Variants in COL24A1 observed in about 807,000 individuals in gnomAD.
COL24A1 encodes the protein collagen alpha-1(XXIV) chain.
A neutral mutation model predicts 253.9 loss-of-function variants in COL24A1; 224 were observed. The observed-to-expected ratio is 0.88, with a 90% confidence interval of 0.79 to 0.99. COL24A1 has a LOEUF of 0.99. COL24A1 is among the 50% of genes least tolerant of loss of function. The pLI, the probability that COL24A1 is intolerant of heterozygous loss-of-function variation, is 0.00. For synonymous variants in COL24A1, 685 were observed against 673.7 expected (o/e 1.02, Z -0.26); for missense variants, 2,131 against 2,068.5 (o/e 1.03, Z -0.59).
intron 3 of COL24A1, among the ~76,000 whole-genome samples, chr1:86,118,089 G>T (rs1706325974): frequency 6.7e-6 from 1 of 148,776 alleles, no homozygotes; most frequent in Non-Finnish European, 1.5e-5. Flanking sequence ...TCGAGATGGA[G>T]TCTCACTCTG....
chr1:85,746,145 T>C (rs183943532), intron 55 of COL24A1, among the ~76,000 whole-genome samples: 24 of 152,156 alleles, frequency 1.6e-4, no homozygotes, highest in Admixed American at 1.4e-3. Flanking sequence ...CTTAGAACAA[T>C]GAAGCATGAG....
chr1:85,844,845 G>A (rs948342122), intron 39 of COL24A1, among the ~76,000 whole-genome samples: 1 of 151,868 alleles, frequency 6.6e-6, no homozygotes, highest in Non-Finnish European at 1.5e-5. Context: ...GGCTCAGATT[G>A]TTTTAATAGC....
chr1:86,041,570 T>C (rs1490297831), intron 12 of COL24A1, among the ~76,000 whole-genome samples: 1 of 152,142 alleles, frequency 6.6e-6, no homozygotes, highest in Non-Finnish European at 1.5e-5. Flanking sequence ...TTGGAAACTT[T>C]GCACTAAAAA....
At chr1:85,791,729 GA>G (rs1670294806) in intron 47 of COL24A1, among the ~76,000 whole-genome samples, 1 of 152,022 alleles carries the variant, frequency 6.6e-6, no homozygotes, top group Non-Finnish European at 1.5e-5. Context: ...CTATCTGTGT[GA>G]AAAAAATTTT....
intron 19 of COL24A1, among the ~76,000 whole-genome samples, chr1:86,014,948 T>C (rs1020632432): frequency 6.6e-6 from 1 of 152,188 alleles, no homozygotes; most frequent in African/African-American, 2.4e-5. Context: ...CTTGCTTAAA[T>C]ATCTTTGGTT....
chr1:85,864,474 TG>T (rs1341136192), intron 37 of COL24A1, among the ~76,000 whole-genome samples: 1 of 152,040 alleles, frequency 6.6e-6, no homozygotes, highest in Non-Finnish European at 1.5e-5. Flanking sequence ...CACACCAACA[TG>T]GCACATGTAT....
At chr1:86,074,432 T>C (rs896002546) in intron 7 of COL24A1, among the ~76,000 whole-genome samples, 1 of 152,118 alleles carries the variant, frequency 6.6e-6, no homozygotes, top group Non-Finnish European at 1.5e-5. Flanking sequence ...ATGCACCCAA[T>C]ACAGGAGTAC....
chr1:85,903,527 T>G (rs1684525782), intron 28 of COL24A1, among the ~76,000 whole-genome samples: 1 of 152,158 alleles, frequency 6.6e-6, no homozygotes, highest in Non-Finnish European at 1.5e-5. Flanking sequence ...AAAATAACCG[T>G]TTAAAAATAT....
At chr1:86,080,953 C>T (rs1044408912) in intron 7 of COL24A1, among the ~76,000 whole-genome samples, 1 of 152,034 alleles carries the variant, frequency 6.6e-6, no homozygotes, top group African/African-American at 2.4e-5. Context: ...ATCTTAATAA[C>T]CAATGGGAAA....
intron 18 of COL24A1, 134 bp downstream of exon 18, chr1:86,022,106 G>T: frequency 1.3e-6 from 1 of 787,388 alleles, no homozygotes. Flanking sequence ...ATACCTGAGG[G>T]ATTTGCTATA....
At chr1:86,056,863 A>C (rs1264069214) in intron 10 of COL24A1, among the ~76,000 whole-genome samples, 1 of 152,074 alleles carries the variant, frequency 6.6e-6, no homozygotes, top group African/African-American at 2.4e-5. Context: ...CACCAAAAAA[A>C]AAAAACACAA....
intron 43 of COL24A1, among the ~76,000 whole-genome samples, chr1:85,829,290 C>T (rs1172770653): frequency 6.6e-6 from 1 of 152,036 alleles, no homozygotes; most frequent in Non-Finnish European, 1.5e-5. Context: ...GCCAAGAGAT[C>T]TGCTCTTAGT....
chr1:85,854,111 C>A (rs187919315), intron 37 of COL24A1, among the ~76,000 whole-genome samples: 1 of 152,210 alleles, frequency 6.6e-6, no homozygotes, highest in East Asian at 1.9e-4. Flanking sequence ...TATATTTAAG[C>A]ATTTAATCCA....
chr1:85,745,869 T>C (rs1665156741), intron 55 of COL24A1, among the ~76,000 whole-genome samples: 1 of 152,198 alleles, frequency 6.6e-6, no homozygotes, highest in Admixed American at 6.5e-5. Context: ...AATAAATAAC[T>C]GTAGCAATTT....
At chr1:85,794,940 A>G (rs903678916) in intron 47 of COL24A1, among the ~76,000 whole-genome samples, 1 of 152,140 alleles carries the variant, frequency 6.6e-6, no homozygotes, top group Non-Finnish European at 1.5e-5. Context: ...CTAGCAGGAA[A>G]GTGTTGTCAG....
At chr1:85,874,128 G>A (rs10873731) in intron 35 of COL24A1, among the ~76,000 whole-genome samples, 58,657 of 151,906 alleles carry the variant, frequency 0.39, 12,225 homozygotes, top group South Asian at 0.59. Context: ...TATTATCTTA[G>A]GAAAAAACTC....
intron 22 of COL24A1, among the ~76,000 whole-genome samples, chr1:85,967,589 G>A (rs1558833841): frequency 1.3e-5 from 2 of 152,170 alleles, no homozygotes; most frequent in Admixed American, 6.6e-5. Flanking sequence ...GGGTATGACT[G>A]TAGCAGTGAG....
intron 7 of COL24A1, among the ~76,000 whole-genome samples, chr1:86,069,950 C>T (rs926653524): frequency 6.6e-6 from 1 of 152,136 alleles, no homozygotes; most frequent in Admixed American, 6.5e-5. Flanking sequence ...ACAACACCAC[C>T]ACAAAAACAT....
intron 47 of COL24A1, among the ~76,000 whole-genome samples, chr1:85,810,041 G>A (rs932354319): frequency 1.3e-5 from 2 of 149,916 alleles, no homozygotes; most frequent in Non-Finnish European, 3.0e-5. Flanking sequence ...GAGGAAGGAG[G>A]TCAGCAGCAC....
Sources: allele counts gnomAD v4.1 joint callset (sites outside exome capture counted in the v4.1 genomes callset), GRCh38; gene constraint gnomAD v4.1.1; transcripts MANE v1.5; gene names NCBI Gene and HGNC (gene_info 2026-07-23, HGNC 2026-07-21).